ATP8A2: variants seen among roughly 807,000 people sequenced by gnomAD.
ATP8A2 encodes the protein ATPase phospholipid transporting 8A2.
ATP8A2 carries 100 observed loss-of-function variants against 165.6 expected under a neutral mutation model. That is an observed-to-expected ratio of 0.60 (90% CI 0.51 to 0.71). The LOEUF is 0.71. ATP8A2 is among the 30% of genes least tolerant of loss of function. The pLI is 0.00. For synonymous variants in ATP8A2, 543 were observed against 548.8 expected (o/e 0.99, Z 0.15); for missense variants, 1,227 against 1,479.5 (o/e 0.83, Z 2.80).
chr13:25,894,216 T>C (rs1160303686), intron 33 of ATP8A2, among the ~76,000 whole-genome samples: 1 of 152,102 alleles, frequency 6.6e-6, no homozygotes, highest in Non-Finnish European at 1.5e-5. Flanking sequence ...TTGTATAAGG[T>C]GTAAGGAAGG....
intron 33 of ATP8A2, among the ~76,000 whole-genome samples, chr13:25,911,433 G>A (rs1038114190): frequency 2.6e-5 from 4 of 152,268 alleles, no homozygotes; most frequent in Admixed American, 1.3e-4. Context: ...CTCAGCCAGC[G>A]TTCTGTGATG....
chr13:25,419,682 T>C (rs2034242468), intron 1 of ATP8A2, among the ~76,000 whole-genome samples: 1 of 152,222 alleles, frequency 6.6e-6, no homozygotes, highest in Admixed American at 6.5e-5. Context: ...AAGTGTTGAT[T>C]CTGTGCAGGT....
chr13:25,894,431 A>G lies in ATP8A2; in HGVS notation c.3183+32023A>G, dbSNP rs979680010. Among the ~76,000 whole-genome samples the G allele has an allele frequency of 3.3e-4, 50 of 152,180 alleles. 1 individual carries two copies. Among genetic ancestry groups the G allele is most frequent in the Non-Finnish European group, 7.3e-5 (5 of 68,038 alleles). ...TACCAGTACCATTGCTGTTTTGGTT[A>G]CTGTAGCCTTGTAGTATAGTTTGAA... is the stretch of plus-strand genomic sequence containing the variant. On this transcript the variant is annotated intron_variant, in intron 33 of 36. Coordinates refer to ENST00000381655, the MANE Select transcript of ATP8A2 (RefSeq NM_016529.6).
chr13:25,772,735 A>AATTT lies in ATP8A2; in HGVS notation c.2569-2090_2569-2087dup, dbSNP rs375525937. ...TATTGAGAGTTACATTTAATTAATT[A>AATTT]ATTTATTTATTTATTTATTTATTTA... is the stretch of plus-strand genomic sequence containing the variant. On this transcript the variant is annotated intron_variant, in intron 26 of 36. Coordinates refer to ENST00000381655, the MANE Select transcript of ATP8A2 (RefSeq NM_016529.6). Among the ~76,000 whole-genome samples the AATTT allele has an allele frequency of 5.2e-4, 79 of 150,936 alleles. No homozygotes were observed. The East Asian group carries it at 5.6e-3, about 11-fold the overall frequency.
In ATP8A2 at chr13:25,937,362, C is replaced by CTTTTTTTTTTT. The variant is rs1555293658; in HGVS notation, c.3184-24206_3184-24196dup. ...TGCTTTGTCTTTCTATTCTTTCTTTCTTTTTTTTTTTTTTTTTGAACAGCC... is the reference window on the plus strand; with the variant it reads ...TGCTTTGTCTTTCTATTCTTTCTTTCTTTTTTTTTTTTTTTTTTTTTTTTTTTTGAACAGCC... On this transcript the variant is annotated intron_variant, in intron 33 of 36. Coordinates refer to ENST00000381655, the MANE Select transcript of ATP8A2 (RefSeq NM_016529.6). Among the ~76,000 whole-genome samples, 297 of 38,740 alleles carry CTTTTTTTTTTT rather than the reference C, an allele frequency of 7.7e-3. 9 individuals are homozygous for CTTTTTTTTTTT. Among genetic ancestry groups the CTTTTTTTTTTT allele is most frequent in the African/African-American group, 0.019 (282 of 14,660 alleles). The allele number at this position is 38,740 out of a possible 152,430, so 25.4% of individuals were successfully genotyped here.
intron 24 of ATP8A2, among the ~76,000 whole-genome samples, chr13:25,671,937 C>T (rs2042272597): frequency 1.3e-5 from 2 of 152,332 alleles, no homozygotes; most frequent in South Asian, 4.1e-4. Flanking sequence ...ACGGGACCTA[C>T]CGACGTGTGA....
chr13:25,961,572 C>A lies in ATP8A2; in HGVS notation c.3184-3C>A. The A allele has an allele frequency of 6.2e-7, 1 of 1,611,236 alleles. No homozygotes were observed. Among genetic ancestry groups the A allele is most frequent in the Non-Finnish European group, 8.5e-7 (1 of 1,177,608 alleles). On this transcript the variant is annotated splice_region_variant and splice_polypyrimidine_tract_variant and intron_variant, in intron 33 of 36. Coordinates refer to ENST00000381655, the MANE Select transcript of ATP8A2 (RefSeq NM_016529.6). ...AAGCAAGTGTCACTTCTATTTCTTG[C>A]AGGCAACTATGGTCCTGAGCTCCGC...
At chr13:25,656,395 T>C (rs146739044) in intron 24 of ATP8A2, among the ~76,000 whole-genome samples, 5,173 of 151,608 alleles carry the variant, frequency 0.034, 153 homozygotes, top group East Asian at 0.13. Flanking sequence ...TCTGCCTCAG[T>C]CTCCCAAGTA....
chr13:25,386,549 T>C (rs1327987217), intron 1 of ATP8A2, among the ~76,000 whole-genome samples: 2 of 152,190 alleles, frequency 1.3e-5, no homozygotes, highest in Non-Finnish European at 2.9e-5. Context: ...TCTCTAAGAA[T>C]GAAAGCTATG....
At chr13:25,671,615 T>C (rs2042264801) in intron 24 of ATP8A2, among the ~76,000 whole-genome samples, 1 of 152,146 alleles carries the variant, frequency 6.6e-6, no homozygotes, top group Admixed American at 6.5e-5. Flanking sequence ...GACTCCAGTC[T>C]CCCATAGCGC....
intron 2 of ATP8A2, among the ~76,000 whole-genome samples, chr13:25,484,817 G>A (rs985296294): frequency 1.3e-5 from 2 of 152,150 alleles, no homozygotes; most frequent in Non-Finnish European, 2.9e-5. Flanking sequence ...GCAACCGGCA[G>A]GAATATTCTT....
intron 35 of ATP8A2, among the ~76,000 whole-genome samples, chr13:26,005,454 G>A (rs4769445): frequency 1 from 151,695 of 152,132 alleles, 75,631 homozygotes; most frequent in Middle Eastern, 1. Flanking sequence ...TTCTGCTCTG[G>A]TCTTTTTTGT....
At chr13:25,404,996 G>C (rs991814009) in intron 1 of ATP8A2, among the ~76,000 whole-genome samples, 1 of 152,182 alleles carries the variant, frequency 6.6e-6, no homozygotes. Flanking sequence ...CAGAGCGCTG[G>C]GGGAAAGCAG....
intron 18 of ATP8A2, chr13:25,571,902 C>A: frequency 1.7e-6 from 1 of 580,056 alleles, no homozygotes; most frequent in Non-Finnish European, 3.1e-6. Context: ...TGCTTTTCCA[C>A]ATGTCTTTCA....
chr13:25,710,669 A>G (rs562227316), intron 25 of ATP8A2, among the ~76,000 whole-genome samples: 1 of 152,256 alleles, frequency 6.6e-6, no homozygotes, highest in South Asian at 2.1e-4. Context: ...GTGAACACAA[A>G]TGGCACAACC....
At chr13:25,723,199 TTAG>T (rs1451269892) in intron 25 of ATP8A2, among the ~76,000 whole-genome samples, 2 of 152,238 alleles carry the variant, frequency 1.3e-5, no homozygotes, top group Non-Finnish European at 2.9e-5. Flanking sequence ...GTAGAATTGC[TTAG>T]TAGTGGGGAG....
At chr13:26,014,443 G>A (rs887013370) in intron 36 of ATP8A2, among the ~76,000 whole-genome samples, 1 of 152,158 alleles carries the variant, frequency 6.6e-6, no homozygotes, top group Non-Finnish European at 1.5e-5. Flanking sequence ...AAGAAAACAG[G>A]AATCAGTAGG....
At chr13:25,830,010 ATTT>A (rs1260599733) in intron 28 of ATP8A2, among the ~76,000 whole-genome samples, 2 of 138,914 alleles carry the variant, frequency 1.4e-5, no homozygotes. Flanking sequence ...AGTTTTTGCA[ATTT>A]TTTTTTTTTT....
At chr13:25,568,766 C>T (rs910639166) in intron 16 of ATP8A2, among the ~76,000 whole-genome samples, 5 of 152,070 alleles carry the variant, frequency 3.3e-5, no homozygotes, top group East Asian at 3.9e-4. Flanking sequence ...ATAGATATTA[C>T]GTGTATAGTT....
Sources: allele counts gnomAD v4.1 joint callset (sites outside exome capture counted in the v4.1 genomes callset), GRCh38; gene constraint gnomAD v4.1.1; transcripts MANE v1.5; gene names NCBI Gene and HGNC (gene_info 2026-07-23, HGNC 2026-07-21).